The following CTNNA3 variants were observed in gnomAD, a reference collection of about 807,000 sequenced individuals.
The protein encoded by CTNNA3 is catenin alpha-3.
A neutral mutation model predicts 95.7 loss-of-function variants in CTNNA3; 76 were observed. That is an observed-to-expected ratio of 0.79 (90% CI 0.66 to 0.96). The LOEUF is 0.96. Ranked by LOEUF, CTNNA3 falls within the 40% of genes least tolerant of loss-of-function variation. The probability of loss-of-function intolerance (pLI) is 0.00; values close to 1 mark genes in which losing one functional copy is unlikely to be tolerated. For missense variants in CTNNA3, 1,191 were observed against 1,089.8 expected, an observed-to-expected ratio of 1.09 and a Z score of -1.31; for synonymous variants, 431 against 374.4, an observed-to-expected ratio of 1.15 and a Z score of -1.74.
upstream of CTNNA3, among the ~76,000 whole-genome samples, chr10:67,698,076 C>A (rs993645903): frequency 2.6e-5 from 4 of 152,196 alleles, no homozygotes; most frequent in African/African-American, 7.2e-5. Flanking sequence ...TGGCCCTCTT[C>A]CAGATTTTCA....
At chr10:66,628,409 C>T (rs908421435) in intron 9 of CTNNA3, among the ~76,000 whole-genome samples, 1 of 152,016 alleles carries the variant, frequency 6.6e-6, no homozygotes, top group Non-Finnish European at 1.5e-5. Flanking sequence ...TGGGGGGAAA[C>T]ACCTGAGAAA....
intron 9 of CTNNA3, among the ~76,000 whole-genome samples, chr10:66,685,411 C>T (rs1257358754): frequency 2.0e-5 from 2 of 98,806 alleles, no homozygotes; most frequent in Non-Finnish European, 3.6e-5. Flanking sequence ...CTCGCTCTTT[C>T]GCCCAGGCTG....
chr10:66,524,251 A>G (rs913001350), intron 10 of CTNNA3, among the ~76,000 whole-genome samples: 6 of 24,794 alleles, frequency 2.4e-4, no homozygotes, highest in African/African-American at 5.4e-4. Flanking sequence ...TTGCTCGTAC[A>G]CATGTCTATT....
At chr10:67,561,987 G>A (rs577620235) in intron 3 of CTNNA3, among the ~76,000 whole-genome samples, 4 of 152,258 alleles carry the variant, frequency 2.6e-5, no homozygotes, top group African/African-American at 7.2e-5. Context: ...TGAAATTGTG[G>A]CAATAATCAA....
At chr10:67,527,163 A>G (rs1195260038) in intron 4 of CTNNA3, among the ~76,000 whole-genome samples, 1 of 152,150 alleles carries the variant, frequency 6.6e-6, no homozygotes, top group Non-Finnish European at 1.5e-5. Context: ...AGGCTGAGGC[A>G]AGAGAATTGC....
chr10:67,628,147 A>G (rs547116154), intron 2 of CTNNA3, among the ~76,000 whole-genome samples: 5 of 151,788 alleles, frequency 3.3e-5, no homozygotes, highest in African/African-American at 1.2e-4. Flanking sequence ...AAAATCAAAA[A>G]TAGTCTACAA....
At chr10:67,107,223 T>C (rs2131960449) in intron 7 of CTNNA3, among the ~76,000 whole-genome samples, 1 of 152,350 alleles carries the variant, frequency 6.6e-6, no homozygotes, top group Non-Finnish European at 1.5e-5. Context: ...GCTCAATTTT[T>C]GTCCTGATTG....
chr10:67,608,500 C>T (rs541482931), intron 2 of CTNNA3, among the ~76,000 whole-genome samples: 89 of 152,148 alleles, frequency 5.8e-4, no homozygotes, highest in South Asian at 3.9e-3. Flanking sequence ...GAGCATTCTT[C>T]GAGTAGCAAA....
At position 66,680,202 on chromosome 10, in the gene CTNNA3, T is replaced by C. The variant is rs183163188; in HGVS notation, c.1282-58418A>G. 5.9e-3 allele frequency among the ~76,000 whole-genome samples: 904 copies of C among 152,066 alleles called. 9 individuals are homozygous for C. Among genetic ancestry groups the C allele is most frequent in the South Asian group, 0.013 (64 of 4,812 alleles). On this transcript the variant is annotated intron_variant, in intron 9 of 17. Transcript: ENST00000433211. ...TTTGTTTTTTGTTTTTTTGTTTGTT[T>C]GTTTGTTTTACTAGAGATGGGGTTT...
In CTNNA3 at chr10:66,793,088, T is replaced by G. The variant is rs185005033; in HGVS notation, c.1048-17564A>C. ...GTTTGTAATCTATTTGTGTTGGATGTCCAATGGTAATCCACAGGTGTAATG... is the reference window on the plus strand; with the variant it reads ...GTTTGTAATCTATTTGTGTTGGATGGCCAATGGTAATCCACAGGTGTAATG... On this transcript the variant is annotated intron_variant, in intron 7 of 17. Transcript: ENST00000433211. 5.9e-5 allele frequency among the ~76,000 whole-genome samples: 9 copies of G among 152,284 alleles called. No individual in the cohort carries two copies. In the East Asian group the frequency reaches 1.7e-3, roughly 29 times the overall value.
chr10:67,421,051 CA>C (rs1376692001), intron 5 of CTNNA3, among the ~76,000 whole-genome samples: 3 of 152,010 alleles, frequency 2.0e-5, no homozygotes, highest in Non-Finnish European at 4.4e-5. Context: ...CATTTTAGAA[CA>C]TCATCAGACA....
At chr10:66,259,719 G>C (rs926642635) in intron 13 of CTNNA3, among the ~76,000 whole-genome samples, 1 of 152,092 alleles carries the variant, frequency 6.6e-6, no homozygotes, top group African/African-American at 2.4e-5. Context: ...TTTCTCTGCT[G>C]CAATCTCCAG....
chr10:66,126,736 A>G (rs2082845228), intron 13 of CTNNA3, among the ~76,000 whole-genome samples: 2 of 152,234 alleles, frequency 1.3e-5, no homozygotes, highest in Admixed American at 1.3e-4. Context: ...TAAACAAAGC[A>G]ATATGGAATT....
chr10:67,097,662 G>C, intron 7 of CTNNA3: 1 of 1,612,688 alleles, frequency 6.2e-7, no homozygotes, highest in Non-Finnish European at 8.5e-7. Flanking sequence ...GGTGCATCAT[G>C]AACTTCTCTC....
intron 10 of CTNNA3, among the ~76,000 whole-genome samples, chr10:66,599,046 C>T (rs1218360421): frequency 4.6e-5 from 7 of 151,802 alleles, no homozygotes; most frequent in Non-Finnish European, 8.8e-5. Context: ...TAAAAACAGA[C>T]ACATAGACCA....
intron 5 of CTNNA3, among the ~76,000 whole-genome samples, chr10:67,255,106 A>G (rs1255994798): frequency 6.6e-6 from 1 of 151,950 alleles, no homozygotes; most frequent in Non-Finnish European, 1.5e-5. Flanking sequence ...GACCAGCCTG[A>G]CCAACAGGGA....
At chr10:67,190,442 G>T (rs189520379) in intron 6 of CTNNA3, among the ~76,000 whole-genome samples, 1 of 151,916 alleles carries the variant, frequency 6.6e-6, no homozygotes, top group Admixed American at 6.6e-5. Flanking sequence ...TTTGGGGGGA[G>T]GATGAGACAA....
chr10:66,441,249 C>T (rs1392645206), intron 11 of CTNNA3, among the ~76,000 whole-genome samples: 1 of 151,942 alleles, frequency 6.6e-6, no homozygotes, highest in Non-Finnish European at 1.5e-5. Flanking sequence ...CTGTCTAATA[C>T]AAGAAAGTAA....
chr10:67,002,161 TC>T (rs1749479651), intron 7 of CTNNA3, among the ~76,000 whole-genome samples: 1 of 152,174 alleles, frequency 6.6e-6, no homozygotes, highest in Non-Finnish European at 1.5e-5. Flanking sequence ...TTCACTAATT[TC>T]CCCTTTTTGA....
Sources: allele counts gnomAD v4.1 joint callset (sites outside exome capture counted in the v4.1 genomes callset), GRCh38; gene constraint gnomAD v4.1.1; transcripts MANE v1.5; gene names NCBI Gene and HGNC (gene_info 2026-07-23, HGNC 2026-07-21).